MUC6: variants seen among roughly 807,000 people sequenced by gnomAD.
The protein encoded by MUC6 is mucin 6, oligomeric mucus/gel-forming (gene/pseudogene), also known as mucin-6.
A neutral mutation model predicts 201.5 loss-of-function variants in MUC6; 188 were observed. The observed-to-expected ratio is 0.93, with a 90% CI of 0.83 to 1.05. The LOEUF (loss-of-function observed/expected upper bound fraction) is 1.05, where lower values mean the gene tolerates loss of function less well. Among genes scored for constraint, MUC6 ranks in the 50% least tolerant of loss-of-function variants. The pLI is 0.00. For synonymous variants in MUC6, 1,228 were observed against 1,389.4 expected (o/e 0.88, Z 2.58); for missense variants, 2,706 against 3,256.9 (o/e 0.83, Z 4.12).
Position 1,027,483 on chromosome 11 carries a change from G to A in MUC6, c.2016C>T (p.Tyr672=), listed in dbSNP as rs1451474574. ...AGGTGCGCTCACAGGCTTGGCTGTTGTAGCTGAAGGTGGTGTTACCCGTGC... is the reference window on the plus strand; with the variant it reads ...AGGTGCGCTCACAGGCTTGGCTGTTATAGCTGAAGGTGGTGTTACCCGTGC... ...IPCTGNTTFS[Y]NSQACERTCL... is the part of the protein sequence containing the mutation. The change falls in exon 17 of 33, where the codon TAC becomes TAT. Residue 672 remains tyrosine, a synonymous_variant. Coordinates refer to ENST00000421673, the MANE Select transcript of MUC6 (RefSeq NM_005961.3). 1.2e-6 allele frequency: 2 copies of A among 1,612,478 alleles called. No individual in the cohort carries two copies. The highest frequency in any genetic ancestry group is 1.7e-5 in the Admixed American group (1 of 59,988).
Position 1,028,345 on chromosome 11 carries a change from G to C in MUC6, c.1634C>G (p.Thr545Ser). Residue 545 changes from threonine to serine, a missense_variant, in exon 14 of 33, where the codon ACC becomes AGC. By Grantham distance (58) the Thr-to-Ser change is moderately conservative. Coordinates refer to ENST00000421673, the MANE Select transcript of MUC6 (RefSeq NM_005961.3). ...NFNGDTTDDF[T>S]TSMGIAEGTA... Reference sequence around the variant, plus strand: ...GCCCTCGGCGATACCCATGCTAGTGGTGAAGTCATCCGTTGTGTCCCCGTT... The same window carrying C: ...GCCCTCGGCGATACCCATGCTAGTGCTGAAGTCATCCGTTGTGTCCCCGTT... 6.2e-7 allele frequency: 1 copy of C among 1,612,706 alleles called. No homozygotes were observed. Among genetic ancestry groups the C allele is most frequent in the Non-Finnish European group, 8.5e-7 (1 of 1,179,856 alleles).
Position 1,025,387 on chromosome 11 carries a change from T to A in MUC6, c.2800-20A>T. 2 of 1,599,334 alleles carry A rather than the reference T, an allele frequency of 1.3e-6. No homozygotes were observed. The highest frequency in any genetic ancestry group is 1.7e-6 in the Non-Finnish European group (2 of 1,171,132). On this transcript the variant is annotated intron_variant, in intron 22 of 32. Transcript: ENST00000421673. ...CAGGCCCTGTGGGGTGGGGTTGGCA[T>A]AGGACTGCCTGTCTGTCTCCCCCGG...
At chr11:1,023,698 C>T in intron 25 of MUC6, 46 bp from the exon 26 acceptor site, 1 of 1,604,924 alleles carries the variant, frequency 6.2e-7, no homozygotes, top group Non-Finnish European at 8.5e-7. Context: ...TGGCCCTGGC[C>T]CTGGCCCTGA....
chr11:1,015,702 G>T (rs1034999867), intron 31 of MUC6, 60 bp downstream of exon 31: 19 of 1,501,790 alleles, frequency 1.3e-5, no homozygotes, highest in Admixed American at 4.6e-5. Context: ...GGCAGGGGCT[G>T]CCTGGGAGTC....
chr11:1,018,650 G>A lies in MUC6; in HGVS notation c.4151C>T (p.Thr1384Ile). 1.2e-6 allele frequency: 2 copies of A among 1,613,480 alleles called. No homozygotes were observed. Among genetic ancestry groups the A allele is most frequent in the Non-Finnish European group, 1.7e-6 (2 of 1,179,696 alleles). Residue 1384 changes from threonine (T) to isoleucine (I), a missense_variant, in exon 31 of 33, where the codon ACA (threonine) becomes ATA (isoleucine). Physicochemically the swap from Thr to Ile is moderately conservative, Grantham distance 89. Transcript: ENST00000421673. ...TPQPGQPTRP[T>I]ATETTQTRTT... is the part of the protein sequence containing the mutation. ...TCTTGTTTGAGTGGTCTCTGTGGCT[G>A]TGGGCCTCGTGGGTTGTCCTGGCTG...
intron 7 of MUC6, 39 bp from the exon 8 acceptor site, chr11:1,030,374 C>T: frequency 6.5e-7 from 1 of 1,529,156 alleles, no homozygotes; most frequent in Non-Finnish European, 8.8e-7. Flanking sequence ...GGTCCCACCC[C>T]CCCCACCCCT....
intron 1 of MUC6, 147 bp downstream of exon 1, chr11:1,036,457 G>T: frequency 1.1e-6 from 1 of 913,392 alleles, no homozygotes; most frequent in Non-Finnish European, 1.6e-6. Context: ...GGCAGCGGGG[G>T]CTGGTCACGG....
chr11:1,036,581 T>C, intron 1 of MUC6, 23 bp downstream of exon 1: 1 of 1,548,788 alleles, frequency 6.5e-7, no homozygotes, highest in Non-Finnish European at 8.7e-7. Context: ...CCGCAGTGTC[T>C]GGCGCCCCTC....
In MUC6 at chr11:1,029,269, G is replaced by T; in HGVS notation, c.1234C>A (p.Pro412Thr). The T allele has an allele frequency of 6.2e-7, 1 of 1,607,396 alleles. No individual in the cohort carries two copies. The highest frequency in any genetic ancestry group is 8.5e-7 in the Non-Finnish European group (1 of 1,177,830). ...GTGCAGGTGCCGTGGAAGCGGTAGGGCCTGGCGTCAAATGTGGTAACAAAG... is the reference window on the plus strand; with the variant it reads ...GTGCAGGTGCCGTGGAAGCGGTAGGTCCTGGCGTCAAATGTGGTAACAAAG... ...GSFVTTFDAR[P>T]YRFHGTCTYI... Residue 412 changes from proline (P) to threonine (T), a missense_variant, in exon 10 of 33, where the codon CCC (proline) becomes ACC (threonine). This residue lies in a region of MUC6 where 1,850 missense variants were observed against 1,958.3 expected (regional missense o/e 0.94). Transcript: ENST00000421673.
rs115268132 is a variant in MUC6, at chr11:1,026,930, C to G, written c.2394+11G>C. On this transcript the variant is annotated intron_variant, in intron 19 of 32. Coordinates refer to ENST00000421673, the MANE Select transcript of MUC6 (RefSeq NM_005961.3). The stretch of plus-strand genomic sequence containing the variant: ...CCGGGCATTGTCCCTGCTCCTCGCG[C>G]GCCCCCTTACGCAGGCAACACCGGT... 17 of 1,561,490 alleles carry G rather than the reference C, an allele frequency of 1.1e-5. No individual in the cohort carries two copies. Among genetic ancestry groups the G allele is most frequent in the Non-Finnish European group, 1.5e-5 (17 of 1,151,966 alleles).
intron 29 of MUC6, 141 bp downstream of exon 29, chr11:1,019,949 A>C: frequency 8.6e-7 from 1 of 1,168,998 alleles, no homozygotes; most frequent in Non-Finnish European, 1.2e-6. Context: ...TTGGCTCCCA[A>C]GCATAGGAAG....
At position 1,021,255 on chromosome 11, in the gene MUC6, A is replaced by G. The variant is rs200208440; in HGVS notation, c.3549T>C (p.Asp1183=). ...CCCCCTCCTCGTGGTCGAAGTACTC[A>G]TCCTGGGAGCAGTTGTAGCAGCCTA... ...NIEGCYNCSQ[D]EYFDHEEGVC... The change falls in exon 27 of 33, where the codon GAT becomes GAC. Residue 1183 remains aspartate, a synonymous_variant. Transcript: ENST00000421673. 2.5e-6 allele frequency: 4 copies of G among 1,588,112 alleles called. No individual in the cohort carries two copies. In the African/African-American group the frequency reaches 5.5e-5, roughly 22 times the overall value.
At chr11:1,030,192 A>G in intron 8 of MUC6, 21 bp downstream of exon 8, 1 of 1,547,768 alleles carries the variant, frequency 6.5e-7, no homozygotes, top group Non-Finnish European at 8.7e-7. Context: ...GGGGAGAGAG[A>G]GTGCCTGCGA....
In MUC6 at chr11:1,019,987, A is replaced by G. The variant is rs762549724; in HGVS notation, c.3808+103T>C. ...CTACGCTGGGAATCTGCTTAGTGGC[A>G]GATGTGAGCCAGGAAGCAGGGCCAT... is the stretch of plus-strand genomic sequence containing the variant. On this transcript the variant is annotated intron_variant, in intron 29 of 32. Transcript: ENST00000421673. 9 of 1,376,624 alleles carry G rather than the reference A, an allele frequency of 6.5e-6. No individual in the cohort carries two copies. The East Asian group carries it at 1.5e-4, about 23-fold the overall frequency. 85.3% of individuals were successfully genotyped at this position (1,376,624 alleles called of 1,614,324 possible).
Position 1,023,840 on chromosome 11 carries a change from C to T in MUC6, c.3382+107G>A, listed in dbSNP as rs1006681352. 2.9e-5 allele frequency: 43 copies of T among 1,478,322 alleles called. 1 individual carries two copies. The highest frequency in any genetic ancestry group is 4.3e-4 in the Middle Eastern group (2 of 4,674). The allele number at this position is 1,478,322 out of a possible 1,614,324, so 91.6% of individuals were successfully genotyped here. A position where few individuals can be genotyped will look rare whatever the true frequency, so the allele number is the denominator to read the frequency against. The stretch of plus-strand genomic sequence containing the variant: ...GGTGGCCCCGCAGGGCACAGCCCGG[C>T]GCCTGTCCAGGGAGAGGGGCCTGTG... On this transcript the variant is annotated intron_variant, in intron 25 of 32. Coordinates refer to ENST00000421673, the MANE Select transcript of MUC6 (RefSeq NM_005961.3).
intron 26 of MUC6, 123 bp downstream of exon 26, chr11:1,023,386 A>G: frequency 8.1e-7 from 1 of 1,235,076 alleles, no homozygotes. Context: ...AAATTAATGA[A>G]TGTGTGAATT....
Position 1,025,842 on chromosome 11 carries a change from C to A in MUC6, c.2762G>T (p.Gly921Val). The change falls in exon 22 of 33, where the codon GGG (glycine) becomes GTG (valine). Residue 921 changes from glycine (G) to valine (V), a missense_variant. This residue lies in a region of MUC6 where 1,850 missense variants were observed against 1,958.3 expected (regional missense o/e 0.94). Coordinates refer to ENST00000421673, the MANE Select transcript of MUC6 (RefSeq NM_005961.3). ...LTENVICGNS[G>V]VTCSRAIKIF... ...CTTGATGGCCCGTGAGCATGTGACC[C>A]CGGAGTTCCCACAGATGACGTTCTC... The A allele has an allele frequency of 6.2e-7, 1 of 1,612,956 alleles. No homozygotes were observed. The highest frequency in any genetic ancestry group is 8.5e-7 in the Non-Finnish European group (1 of 1,179,780).
rs1857017784 is a variant in MUC6 at position 1,028,370 on chromosome 11, TG to T, written c.1608del (p.Phe536LeufsTer45). 1 of 1,612,438 alleles carries T rather than the reference TG, an allele frequency of 6.2e-7. No individual in the cohort carries two copies. Among genetic ancestry groups the T allele is most frequent in the East Asian group, 2.2e-5 (1 of 44,888 alleles). ...GTGAAGTCATCCGTTGTGTCCCCGT[TG>T]AAGTTGCCGCAGAGCCCTGAGCCGG... ...RGQTRGLCGN[F>X]NGDTTDDFTT... On this transcript the variant is annotated frameshift_variant, in exon 14 of 33. Coordinates refer to ENST00000421673, the MANE Select transcript of MUC6 (RefSeq NM_005961.3). LOFTEE classifies it high-confidence loss of function.
rs1032105839 is a variant in MUC6 at position 1,034,707 on chromosome 11, G to A, written c.53-1632C>T. ...TGCAACTCAGTTTCTCCACCTTTCC[G>A]ATGGGGGGTGGCACTTGGGGGCCGT... On this transcript the variant is annotated intron_variant, in intron 1 of 32. Transcript: ENST00000421673. Among the ~76,000 whole-genome samples the A allele has an allele frequency of 5.9e-5, 9 of 152,320 alleles. No individual in the cohort carries two copies. The East Asian group carries it at 1.4e-3, about 23-fold the overall frequency.
Sources: gnomAD v4.1 joint callset for allele counts (sites outside exome capture counted in the v4.1 genomes callset) on GRCh38, gnomAD v4.1.1 for gene constraint, gnomAD v4.1.1 regional missense constraint, MANE v1.5 for transcripts, NCBI Gene and HGNC (gene_info 2026-07-23, HGNC 2026-07-21) for gene names.